HAPLN1: variants seen among roughly 807,000 people sequenced by gnomAD.
HAPLN1 encodes the protein Cartilage link protein.
In HAPLN1, 13 loss-of-function variants were observed where a neutral mutation model predicts 36.5. The ratio of observed to expected loss-of-function variants is 0.36; its 90% CI spans 0.23 to 0.57. The LOEUF (loss-of-function observed/expected upper bound fraction) is 0.57, where lower values mean the gene tolerates loss of function less well. Ranked by LOEUF, HAPLN1 falls within the 20% of genes least tolerant of loss-of-function variation. HAPLN1 has a pLI of 0.83. For missense variants in HAPLN1, 407 were observed against 439.7 expected (o/e 0.93, Z 0.66); for synonymous variants, 202 against 169.8 (o/e 1.19, Z -1.48).
intron 2 of HAPLN1, among the ~76,000 whole-genome samples, chr5:83,659,324 TG>T (rs1490333038): frequency 1.3e-5 from 2 of 152,112 alleles, no homozygotes; most frequent in Non-Finnish European, 2.9e-5. Context: ...TGCTTTCACC[TG>T]GAAGTTTAAA....
intron 1 of HAPLN1, among the ~76,000 whole-genome samples, chr5:83,714,612 G>A (rs1392610183): frequency 2.0e-5 from 3 of 152,100 alleles, no homozygotes; most frequent in Non-Finnish European, 4.4e-5. Flanking sequence ...TTTAAAAGAT[G>A]TTGGCTTTGA....
chr5:83,709,242 T>G (rs1447781255), intron 1 of HAPLN1, among the ~76,000 whole-genome samples: 1 of 152,204 alleles, frequency 6.6e-6, no homozygotes, highest in Non-Finnish European at 1.5e-5. Flanking sequence ...TGTGCTTGTA[T>G]TTTTCTGTAT....
intron 2 of HAPLN1, among the ~76,000 whole-genome samples, chr5:83,672,863 G>T (rs1750765070): frequency 6.6e-6 from 1 of 152,190 alleles, no homozygotes; most frequent in African/African-American, 2.4e-5. Flanking sequence ...TTGTACTGCA[G>T]CCTCAAATCC....
At chr5:83,719,463 C>T (rs1314793972) in intron 1 of HAPLN1, among the ~76,000 whole-genome samples, 1 of 152,090 alleles carries the variant, frequency 6.6e-6, no homozygotes, top group Non-Finnish European at 1.5e-5. Context: ...CATTTCTTAG[C>T]TGAAACAATT....
rs1190760686 is a variant in HAPLN1 at position 83,639,511 on chromosome 5, A to G, written c.*1985T>C. On this transcript the variant is annotated 3_prime_UTR_variant, in exon 5 of 5. Transcript: ENST00000274341. ...TTGTATTTTCAACAAAATTATCGGA[A>G]CATACATAATAATAGTTCAAGTATG... 6.6e-6 allele frequency: 1 copy of G among 152,100 alleles called. No homozygotes were observed. The highest frequency in any genetic ancestry group is 1.9e-4 in the East Asian group (1 of 5,202). The allele number at this position is 152,100 out of a possible 1,614,324, so 9.4% of individuals were successfully genotyped here. A position where few individuals can be genotyped will look rare whatever the true frequency, so the allele number is the denominator to read the frequency against.
At chr5:83,693,678 C>T (rs1378628525) in intron 1 of HAPLN1, among the ~76,000 whole-genome samples, 1 of 151,632 alleles carries the variant, frequency 6.6e-6, no homozygotes, top group Non-Finnish European at 1.5e-5. Flanking sequence ...GATAGAGACA[C>T]TATATTAAAA....
intron 2 of HAPLN1, among the ~76,000 whole-genome samples, chr5:83,662,152 CT>C (rs560174401): frequency 1.6e-3 from 243 of 152,288 alleles, no homozygotes; most frequent in Middle Eastern, 3.4e-3. Flanking sequence ...ATCTGCCCCC[CT>C]CGGCCTCCCA....
Position 83,641,428 on chromosome 5 carries a change from A to T in HAPLN1, c.*68T>A. On this transcript the variant is annotated 3_prime_UTR_variant, in exon 5 of 5. Coordinates refer to ENST00000274341, the MANE Select transcript of HAPLN1 (RefSeq NM_001884.4). ...GTTTTGGTAACTTGCATGAGTTCAT[A>T]TTGGAAAAAAAAAACACCTTTCACA... The T allele has an allele frequency of 6.9e-7, 1 of 1,447,108 alleles. No individual in the cohort carries two copies. Among genetic ancestry groups the T allele is most frequent in the Non-Finnish European group, 9.3e-7 (1 of 1,075,974 alleles). The allele number at this position is 1,447,108 out of a possible 1,614,324, so 89.6% of individuals were successfully genotyped here.
intron 1 of HAPLN1, among the ~76,000 whole-genome samples, chr5:83,675,649 G>A (rs1175593514): frequency 1.3e-5 from 2 of 152,162 alleles, no homozygotes; most frequent in African/African-American, 4.8e-5. Flanking sequence ...ATTCCAATGT[G>A]TTAAAGTACT....
chr5:83,716,714 A>C (rs1751920056), intron 1 of HAPLN1, among the ~76,000 whole-genome samples: 1 of 152,172 alleles, frequency 6.6e-6, no homozygotes, highest in Admixed American at 6.5e-5. Flanking sequence ...GAAATCATTA[A>C]AACTTCTTGT....
At chr5:83,650,760 G>A (rs1282885327) in intron 3 of HAPLN1, among the ~76,000 whole-genome samples, 4 of 149,744 alleles carry the variant, frequency 2.7e-5, no homozygotes, top group South Asian at 2.1e-4. Context: ...TCAGCTTCCC[G>A]AGTAGCTGGG....
intron 1 of HAPLN1, among the ~76,000 whole-genome samples, chr5:83,695,050 T>C (rs756161749): frequency 7.9e-5 from 12 of 152,182 alleles, no homozygotes; most frequent in Non-Finnish European, 1.8e-4. Context: ...CAAAAAGATA[T>C]AAAATGGATT....
At chr5:83,653,451 C>T (rs145848671) in intron 2 of HAPLN1, among the ~76,000 whole-genome samples, 46 of 152,268 alleles carry the variant, frequency 3.0e-4, no homozygotes, top group African/African-American at 9.9e-4. Context: ...GAAGTTTAGA[C>T]AAAGGTAATT....
intron 1 of HAPLN1, chr5:83,682,227 A>G (rs1751022761): frequency 6.6e-6 from 1 of 152,220 alleles, no homozygotes; most frequent in Admixed American, 6.5e-5. Context: ...ACAAATATGT[A>G]AAAAGTTTTC....
chr5:83,711,847 A>G (rs1751791482), intron 1 of HAPLN1, among the ~76,000 whole-genome samples: 1 of 152,280 alleles, frequency 6.6e-6, no homozygotes, highest in South Asian at 2.1e-4. Flanking sequence ...AATGAGCTCA[A>G]TTCTGGAAAT....
intron 2 of HAPLN1, among the ~76,000 whole-genome samples, chr5:83,663,145 C>A (rs1750454309): frequency 6.6e-6 from 1 of 152,160 alleles, no homozygotes; most frequent in South Asian, 2.1e-4. Context: ...GTGGGGAGCA[C>A]AGGCCCCGTT....
At chr5:83,693,194 C>T (rs1256514711) in intron 1 of HAPLN1, among the ~76,000 whole-genome samples, 1 of 151,740 alleles carries the variant, frequency 6.6e-6, no homozygotes, top group Non-Finnish European at 1.5e-5. Context: ...TCATTGACTG[C>T]TGGTAACTGA....
At chr5:83,646,016 C>T (rs751254303) in intron 3 of HAPLN1, among the ~76,000 whole-genome samples, 10 of 152,156 alleles carry the variant, frequency 6.6e-5, no homozygotes, top group Non-Finnish European at 2.9e-5. Flanking sequence ...AGTGTGACTT[C>T]GTATTTGATT....
chr5:83,707,268 A>AT (rs1385952023), intron 1 of HAPLN1, among the ~76,000 whole-genome samples: 3 of 152,200 alleles, frequency 2.0e-5, no homozygotes, highest in African/African-American at 7.2e-5. Flanking sequence ...AAGAACCCAA[A>AT]TAGCCAAGGC....
Sources: gnomAD v4.1 joint callset for allele counts (sites outside exome capture counted in the v4.1 genomes callset) on GRCh38, gnomAD v4.1.1 for gene constraint, MANE v1.5 for transcripts, NCBI Gene and HGNC (gene_info 2026-07-23, HGNC 2026-07-21) for gene names.